Variants in CDH18 observed in about 807,000 individuals in gnomAD.
The protein encoded by CDH18 is cadherin 18.
A neutral mutation model predicts 67.9 loss-of-function variants in CDH18; 31 were observed. The ratio of observed to expected loss-of-function variants is 0.46; its 90% CI spans 0.34 to 0.62. The LOEUF (loss-of-function observed/expected upper bound fraction) is 0.62, where lower values mean the gene tolerates loss of function less well. Ranked by LOEUF, CDH18 falls within the 20% of genes least tolerant of loss-of-function variation. The pLI is 0.01. For missense variants in CDH18, 890 were observed against 975.5 expected (o/e 0.91, Z 1.17); for synonymous variants, 362 against 347.2 (o/e 1.04, Z -0.48).
intron 2 of CDH18, among the ~76,000 whole-genome samples, chr5:20,054,205 T>A (rs890877623): frequency 6.6e-6 from 1 of 152,118 alleles, no homozygotes; most frequent in African/African-American, 2.4e-5. Flanking sequence ...CATCCCCAAA[T>A]ATAAGGTACA....
rs192224807 is a variant in CDH18 at position 19,767,701 on chromosome 5, A to C, written c.229-20465T>G. Among the ~76,000 whole-genome samples, 34 of 152,272 alleles carry C rather than the reference A, an allele frequency of 2.2e-4. 2 individuals carry two copies. Among genetic ancestry groups the C allele is most frequent in the Admixed American group, 1.9e-3 (29 of 15,280 alleles). On this transcript the variant is annotated intron_variant, in intron 3 of 12. Coordinates refer to ENST00000382275, the MANE Select transcript of CDH18 (RefSeq NM_004934.5). ...CATCTACCAAGTCTTATAAATCATCATATTATATATAATTGTATGGAGACT... is the reference window on the plus strand; with the variant it reads ...CATCTACCAAGTCTTATAAATCATCCTATTATATATAATTGTATGGAGACT...
chr5:19,750,006 G>T (rs1008081332), intron 3 of CDH18, among the ~76,000 whole-genome samples: 1 of 151,740 alleles, frequency 6.6e-6, no homozygotes, highest in Non-Finnish European at 1.5e-5. Context: ...AATGTATTTC[G>T]ATTACATTGC....
At chr5:20,396,802 T>G (rs1745318382) in intron 1 of CDH18, among the ~76,000 whole-genome samples, 1 of 152,202 alleles carries the variant, frequency 6.6e-6, no homozygotes, top group South Asian at 2.1e-4. Flanking sequence ...CATTATAGAT[T>G]TATGATTAAT....
intron 2 of CDH18, among the ~76,000 whole-genome samples, chr5:20,056,842 C>A (rs1742033592): frequency 6.6e-6 from 1 of 151,594 alleles, no homozygotes; most frequent in Non-Finnish European, 1.5e-5. Context: ...CACCACCACG[C>A]CCGGCTAATT....
At chr5:19,785,528 C>T (rs1277422559) in intron 3 of CDH18, among the ~76,000 whole-genome samples, 2 of 149,942 alleles carry the variant, frequency 1.3e-5, no homozygotes, top group East Asian at 4.0e-4. Context: ...GTGGTGCATG[C>T]CTGTAATTCC....
At chr5:19,647,588 T>C (rs1754962564) in intron 5 of CDH18, among the ~76,000 whole-genome samples, 1 of 119,834 alleles carries the variant, frequency 8.3e-6, no homozygotes, top group Admixed American at 9.1e-5. Context: ...CTCTGGAGGC[T>C]AGCAACAAGC....
intron 2 of CDH18, among the ~76,000 whole-genome samples, chr5:20,179,845 T>G (rs1301887235): frequency 6.6e-6 from 1 of 152,116 alleles, no homozygotes; most frequent in African/African-American, 2.4e-5. Context: ...CATTTCTCTT[T>G]GATTGAGCAC....
At chr5:19,833,590 T>A (rs1311318804) in intron 3 of CDH18, among the ~76,000 whole-genome samples, 1 of 152,180 alleles carries the variant, frequency 6.6e-6, no homozygotes, top group Non-Finnish European at 1.5e-5. Flanking sequence ...GGCATCGTTG[T>A]CTTGTATTAG....
chr5:19,776,285 G>T (rs1394811723), intron 3 of CDH18, among the ~76,000 whole-genome samples: 2 of 151,992 alleles, frequency 1.3e-5, no homozygotes, highest in African/African-American at 4.8e-5. Flanking sequence ...TACTCAAAAG[G>T]TTTCTTATTT....
At chr5:19,552,758 C>G (rs1042000843) in intron 8 of CDH18, among the ~76,000 whole-genome samples, 7 of 152,098 alleles carry the variant, frequency 4.6e-5, no homozygotes, top group Non-Finnish European at 1.0e-4. Flanking sequence ...GGACAAGTCC[C>G]ATAGGCAAAC....
At chr5:20,084,052 T>C (rs1271756051) in intron 2 of CDH18, among the ~76,000 whole-genome samples, 4 of 152,078 alleles carry the variant, frequency 2.6e-5, no homozygotes, top group Non-Finnish European at 4.4e-5. Flanking sequence ...CTTAACACAT[T>C]TCAGCATCAA....
At chr5:19,629,573 T>C (rs1752099627) in intron 5 of CDH18, among the ~76,000 whole-genome samples, 1 of 152,168 alleles carries the variant, frequency 6.6e-6, no homozygotes, top group Non-Finnish European at 1.5e-5. Context: ...AGTTATCTTT[T>C]TAAAGAGGCA....
chr5:20,569,308 T>C (rs1758679677), intron 1 of CDH18, among the ~76,000 whole-genome samples: 1 of 152,166 alleles, frequency 6.6e-6, no homozygotes, highest in South Asian at 2.1e-4. Flanking sequence ...TACGAGCCAA[T>C]ATTCTGAATC....
At chr5:20,125,447 T>C (rs1020235177) in intron 2 of CDH18, among the ~76,000 whole-genome samples, 2 of 152,174 alleles carry the variant, frequency 1.3e-5, no homozygotes, top group Non-Finnish European at 1.5e-5. Context: ...TCATCTTATA[T>C]GTAGAATATA....
chr5:20,563,704 G>A (rs1390177261), intron 1 of CDH18, among the ~76,000 whole-genome samples: 1 of 152,070 alleles, frequency 6.6e-6, no homozygotes, highest in Non-Finnish European at 1.5e-5. Flanking sequence ...TAAACAACTG[G>A]TTGTGACAAA....
intron 1 of CDH18, among the ~76,000 whole-genome samples, chr5:20,450,059 C>T (rs897256519): frequency 1.8e-4 from 27 of 151,724 alleles, no homozygotes; most frequent in Admixed American, 4.6e-4. Context: ...TTTTTCTGGC[C>T]GGGTGCAGTG....
At chr5:20,193,095 G>A (rs1445859257) in intron 2 of CDH18, among the ~76,000 whole-genome samples, 3 of 151,886 alleles carry the variant, frequency 2.0e-5, no homozygotes, top group African/African-American at 7.3e-5. Flanking sequence ...CCTAAGTATT[G>A]TATTCTCTTT....
intron 3 of CDH18, among the ~76,000 whole-genome samples, chr5:19,752,744 A>G (rs530355334): frequency 9.3e-4 from 142 of 152,234 alleles, no homozygotes; most frequent in South Asian, 2.3e-3. Context: ...AGAGCATTAA[A>G]CCACCAAAGT....
At position 20,398,763 on chromosome 5, in the gene CDH18, G is replaced by C. The variant is rs13358434; in HGVS notation, c.-579-143258C>G. 7.4e-3 allele frequency among the ~76,000 whole-genome samples: 536 copies of C among 72,140 alleles called. 5 individuals are homozygous for C. Among genetic ancestry groups the C allele is most frequent in the Middle Eastern group, 0.018 (2 of 112 alleles). 47.3% of individuals were successfully genotyped at this position (72,140 alleles called of 152,430 possible). A position where few individuals can be genotyped will look rare whatever the true frequency, so the allele number is the denominator to read the frequency against. On this transcript the variant is annotated intron_variant, in intron 1 of 14. Coordinates refer to the CDH18 transcript ENST00000507958. Reference sequence around the variant, plus strand: ...CGTATACCTACATAAAAAACCACCAGGGCACACGTATACCTACGTAGAAAA... The same window carrying C: ...CGTATACCTACATAAAAAACCACCACGGCACACGTATACCTACGTAGAAAA...
Sources: gnomAD v4.1 joint callset for allele counts (sites outside exome capture counted in the v4.1 genomes callset) on GRCh38, gnomAD v4.1.1 for gene constraint, MANE v1.5 for transcripts, NCBI Gene and HGNC (gene_info 2026-07-23, HGNC 2026-07-21) for gene names.